The following TNRC6B variants were observed in gnomAD, a reference collection of about 807,000 sequenced individuals.
TNRC6B encodes the protein trinucleotide repeat-containing gene 6B protein.
Under a neutral mutation model 203.6 loss-of-function variants are expected in TNRC6B, and 52 were observed. The ratio of observed to expected loss-of-function variants is 0.26; its 90% CI spans 0.20 to 0.32. The LOEUF is 0.32. Among genes scored for constraint, TNRC6B ranks in the 10% least tolerant of loss-of-function variants. The probability of loss-of-function intolerance (pLI) is 1.00; values close to 1 mark genes in which losing one functional copy is unlikely to be tolerated. For synonymous variants in TNRC6B, 838 were observed against 845.7 expected (o/e 0.99, Z 0.16); for missense variants, 1,923 against 2,286.2 (o/e 0.84, Z 3.24).
chr22:40,241,100 T>C (rs1028852663), intron 1 of TNRC6B, among the ~76,000 whole-genome samples: 2 of 152,186 alleles, frequency 1.3e-5, no homozygotes, highest in African/African-American at 4.8e-5. Context: ...GCCTGAGCAA[T>C]AGTTTTGTGT....
chr22:40,246,685 G>A (rs1027522998), intron 2 of TNRC6B, among the ~76,000 whole-genome samples: 1 of 152,064 alleles, frequency 6.6e-6, no homozygotes, highest in Non-Finnish European at 1.5e-5. Context: ...AACTCTTGTC[G>A]TATTTCCTTA....
rs570489837 is a variant in TNRC6B, at chr22:40,056,896, A to G, written c.-121+11898A>G. 1.1e-4 allele frequency among the ~76,000 whole-genome samples: 16 copies of G among 152,216 alleles called. No homozygotes were observed. In the East Asian group the frequency reaches 1.7e-3, roughly 17 times the overall value. On this transcript the variant is annotated intron_variant, in intron 1 of 23. Coordinates refer to the TNRC6B transcript ENST00000301923. ...AAAAATGGAAGTTGCTTGAATAGAGATGGTAGCAGATTTGATGGGGCAAGG... is the reference window on the plus strand; with the variant it reads ...AAAAATGGAAGTTGCTTGAATAGAGGTGGTAGCAGATTTGATGGGGCAAGG...
Position 40,285,625 on chromosome 22 carries a change from T to TGCTGC in TNRC6B, c.3583-19_3583-15dup. 1 of 1,603,750 alleles carries TGCTGC rather than the reference T, an allele frequency of 6.2e-7. No individual in the cohort carries two copies. Among genetic ancestry groups the TGCTGC allele is most frequent in the Non-Finnish European group, 8.5e-7 (1 of 1,177,310 alleles). ...TTCTTATGTTAACAAAAAGCCTTAC[T>TGCTGC]GCTGCTTTTCTGTTTACAGGGCGGT... On this transcript the variant is annotated intron_variant, in intron 11 of 22. Coordinates refer to ENST00000454349, the MANE Select transcript of TNRC6B (RefSeq NM_001162501.2).
At chr22:40,048,653 A>T (rs898188679) in intron 1 of TNRC6B, among the ~76,000 whole-genome samples, 5 of 151,968 alleles carry the variant, frequency 3.3e-5, no homozygotes, top group African/African-American at 7.2e-5. Flanking sequence ...ACATTTTTTT[A>T]AAAATAACAT....
intron 2 of TNRC6B, among the ~76,000 whole-genome samples, chr22:40,124,541 G>A (rs1397550779): frequency 2.0e-5 from 3 of 151,932 alleles, no homozygotes; most frequent in Non-Finnish European, 2.9e-5. Flanking sequence ...GGTCTTGAAC[G>A]CGTTAGCTCA....
At chr22:40,222,332 G>T in intron 1 of TNRC6B, among the ~76,000 whole-genome samples, 1 of 152,186 alleles carries the variant, frequency 6.6e-6, no homozygotes, top group East Asian at 1.9e-4. Context: ...ATGCATAGAT[G>T]AAAGGGAAGT....
intron 3 of TNRC6B, among the ~76,000 whole-genome samples, chr22:40,143,838 A>C (rs964966783): frequency 6.6e-6 from 1 of 152,170 alleles, no homozygotes; most frequent in Non-Finnish European, 1.5e-5. Flanking sequence ...ACATCTTTCT[A>C]ATAAAAGTCT....
intron 1 of TNRC6B, among the ~76,000 whole-genome samples, chr22:40,200,043 C>T (rs1420225470): frequency 6.6e-6 from 1 of 151,884 alleles, no homozygotes; most frequent in Non-Finnish European, 1.5e-5. Context: ...AAGTGATCCG[C>T]CCGACTCGGC....
chr22:40,093,689 G>A (rs2068166068), intron 1 of TNRC6B, among the ~76,000 whole-genome samples: 1 of 152,216 alleles, frequency 6.6e-6, no homozygotes, highest in Admixed American at 6.5e-5. Flanking sequence ...ATGGAGAAAA[G>A]TAGAAGAGTA....
At chr22:40,090,904 G>T (rs542271092) in intron 1 of TNRC6B, among the ~76,000 whole-genome samples, 1 of 152,184 alleles carries the variant, frequency 6.6e-6, no homozygotes, top group Admixed American at 6.5e-5. Flanking sequence ...CTGTGATCAG[G>T]ATCACATCAA....
chr22:40,281,086 CG>C, intron 10 of TNRC6B, 32 bp from the exon 11 acceptor site: 1 of 1,517,124 alleles, frequency 6.6e-7, no homozygotes, highest in South Asian at 1.3e-5. Context: ...AACCAACACT[CG>C]TTGTGATTGG....
chr22:40,269,603 C>T lies in TNRC6B; in HGVS notation c.2807-519C>T, dbSNP rs1601474321. On this transcript the variant is annotated intron_variant, in intron 5 of 22. Transcript: ENST00000454349. ...ATTTATGGTATAATTTTCTGGCAGC[C>T]TGGGCATGATGGCTCATGCCTGTAA... Among the ~76,000 whole-genome samples, 6 of 152,142 alleles carry T rather than the reference C, an allele frequency of 3.9e-5. 2 individuals are homozygous for T. The highest frequency in any genetic ancestry group is 3.9e-4 in the Admixed American group (6 of 15,280).
intron 1 of TNRC6B, among the ~76,000 whole-genome samples, chr22:40,179,806 T>A (rs532838071): frequency 4.6e-5 from 7 of 152,220 alleles, no homozygotes; most frequent in Non-Finnish European, 1.0e-4. Context: ...GTGCTGAAAA[T>A]GGCCTGTTTC....
chr22:40,161,931 A>G (rs2068874726), intron 4 of TNRC6B, among the ~76,000 whole-genome samples: 1 of 152,182 alleles, frequency 6.6e-6, no homozygotes, highest in Admixed American at 6.5e-5. Flanking sequence ...ACAGCTTTTA[A>G]AAAAGCAGCT....
intron 3 of TNRC6B, among the ~76,000 whole-genome samples, chr22:40,148,895 C>G (rs2068720545): frequency 6.6e-6 from 1 of 152,132 alleles, no homozygotes; most frequent in African/African-American, 2.4e-5. Context: ...ACACATCCTT[C>G]CCTCACAGCT....
chr22:40,093,311 T>A (rs1277208801), intron 1 of TNRC6B, among the ~76,000 whole-genome samples: 1 of 152,204 alleles, frequency 6.6e-6, no homozygotes, highest in Admixed American at 6.5e-5. Context: ...AAAGAAAGGT[T>A]AAGATGCATG....
intron 1 of TNRC6B, among the ~76,000 whole-genome samples, chr22:40,208,237 G>C (rs1458586744): frequency 6.6e-6 from 1 of 152,104 alleles, no homozygotes; most frequent in Non-Finnish European, 1.5e-5. Context: ...GGAAAAGAGT[G>C]TAGCAATGTC....
Position 40,265,071 on chromosome 22 carries a change from C to G in TNRC6B, c.841C>G (p.Leu281Val). Residue 281 changes from leucine (L) to valine (V), a missense_variant, in exon 5 of 23, where the codon CTA becomes GTA. Around this residue, in one of 8 missense-constraint regions of TNRC6B, gnomAD observed 614 missense variants for 587.7 expected, o/e 1.04. Coordinates refer to ENST00000454349, the MANE Select transcript of TNRC6B (RefSeq NM_001162501.2). ...CTCTACTACAGAGAACAACAATGGA[C>G]TAGGAAATTGGAGGAATGTGAGTGG... ...SNSTTENNNG[L>V]GNWRNVSGQD... The G allele has an allele frequency of 1.2e-6, 2 of 1,613,972 alleles. No individual in the cohort carries two copies. Among genetic ancestry groups the G allele is most frequent in the South Asian group, 2.2e-5 (2 of 91,078 alleles).
intron 4 of TNRC6B, among the ~76,000 whole-genome samples, chr22:40,159,545 A>G (rs1044213809): frequency 1.3e-5 from 2 of 151,762 alleles, no homozygotes; most frequent in African/African-American, 4.8e-5. Flanking sequence ...AGGCTGAGGC[A>G]GGAGAATGGC....
Sources: gnomAD v4.1 joint callset for allele counts (sites outside exome capture counted in the v4.1 genomes callset) on GRCh38, gnomAD v4.1.1 for gene constraint, gnomAD v4.1.1 regional missense constraint, MANE v1.5 for transcripts, NCBI Gene and HGNC (gene_info 2026-07-23, HGNC 2026-07-21) for gene names.